The following KAZN variants were observed in gnomAD, a reference collection of about 807,000 sequenced individuals.
KAZN encodes kazrin.
In KAZN, 40 loss-of-function variants were observed where a neutral mutation model predicts 87.4. The ratio of observed to expected loss-of-function variants is 0.46; its 90% CI spans 0.36 to 0.60. KAZN has a LOEUF of 0.60. Among genes scored for constraint, KAZN ranks in the 20% least tolerant of loss-of-function variants. The probability of loss-of-function intolerance (pLI) is 0.00; values close to 1 mark genes in which losing one functional copy is unlikely to be tolerated. For missense variants in KAZN, 898 were observed against 1,073.9 expected, an observed-to-expected ratio of 0.84 and a Z score of 2.29; for synonymous variants, 466 against 458.3, an observed-to-expected ratio of 1.02 and a Z score of -0.22.
intron 1 of KAZN, among the ~76,000 whole-genome samples, chr1:14,146,557 A>G (rs1172346987): frequency 1.4e-5 from 2 of 144,336 alleles, no homozygotes; most frequent in Non-Finnish European, 3.0e-5. Flanking sequence ...AAAAAAAAAA[A>G]GAAAAGAAAA....
intron 1 of KAZN, among the ~76,000 whole-genome samples, chr1:14,074,111 A>G (rs1643351866): frequency 6.6e-6 from 1 of 152,186 alleles, no homozygotes; most frequent in African/African-American, 2.4e-5. Flanking sequence ...CACACACTAT[A>G]TGTCTAAATA....
chr1:14,538,228 C>A (rs1672612924), intron 2 of KAZN, among the ~76,000 whole-genome samples: 1 of 152,064 alleles, frequency 6.6e-6, no homozygotes. Context: ...TTTCTGTGTG[C>A]CTTGCTTCAG....
At chr1:15,040,806 C>CA (rs1472404845) in intron 3 of KAZN, among the ~76,000 whole-genome samples, 7 of 151,154 alleles carry the variant, frequency 4.6e-5, no homozygotes, top group Non-Finnish European at 8.9e-5. Flanking sequence ...AACAAACAAA[C>CA]AAAAAACAGA....
intron 1 of KAZN, among the ~76,000 whole-genome samples, chr1:13,920,185 G>T (rs1167011184): frequency 6.7e-6 from 1 of 149,330 alleles, no homozygotes; most frequent in Non-Finnish European, 1.5e-5. Context: ...GGGAGGCGGA[G>T]GTTGCAGTGA....
At chr1:14,620,678 G>A (rs890839853) in intron 1 of KAZN, among the ~76,000 whole-genome samples, 10 of 152,178 alleles carry the variant, frequency 6.6e-5, no homozygotes, top group Non-Finnish European at 1.2e-4. Context: ...TGGGCAAGAG[G>A]CCTTCTCAAG....
intron 1 of KAZN, among the ~76,000 whole-genome samples, chr1:14,010,784 GA>G (rs1424348851): frequency 1.3e-5 from 2 of 152,206 alleles, no homozygotes; most frequent in African/African-American, 4.8e-5. Context: ...TGACATAAGA[GA>G]AAGCCTGACA....
chr1:14,391,674 A>G (rs992669138), intron 2 of KAZN: 1 of 152,176 alleles, frequency 6.6e-6, no homozygotes, highest in Admixed American at 6.5e-5. Context: ...AACTCCCCCT[A>G]AATAAAGTTT....
intron 1 of KAZN, among the ~76,000 whole-genome samples, chr1:14,025,043 G>A (rs1462746208): frequency 6.6e-6 from 1 of 152,196 alleles, no homozygotes; most frequent in African/African-American, 2.4e-5. Flanking sequence ...AGGGTTAAAA[G>A]CATTTGGAAC....
chr1:15,093,272 G>T (rs78156947), intron 8 of KAZN, among the ~76,000 whole-genome samples: 12,151 of 152,018 alleles, frequency 0.08, 1,311 homozygotes, highest in African/African-American at 0.24. Context: ...GTGTGTGTTT[G>T]TAAGTGTGGC....
chr1:14,102,723 G>T (rs1367823702), intron 1 of KAZN, among the ~76,000 whole-genome samples: 1 of 152,012 alleles, frequency 6.6e-6, no homozygotes, highest in African/African-American at 2.4e-5. Flanking sequence ...GGTGCTAGGG[G>T]TGCCATAACC....
At chr1:14,931,274 TAAA>T (rs34539653) in intron 1 of KAZN, among the ~76,000 whole-genome samples, 1 of 144,394 alleles carries the variant, frequency 6.9e-6, no homozygotes, top group Non-Finnish European at 1.5e-5. Flanking sequence ...CCATCTCTAC[TAAA>T]AAAAAAAAAT....
intron 1 of KAZN, among the ~76,000 whole-genome samples, chr1:14,154,714 AT>A (rs1479063109): frequency 6.6e-6 from 1 of 152,152 alleles, no homozygotes; most frequent in African/African-American, 2.4e-5. Context: ...AGGGATGTTA[AT>A]TTTATCAAAT....
chr1:14,188,362 A>AT (rs1407147899), intron 2 of KAZN, among the ~76,000 whole-genome samples: 5 of 152,020 alleles, frequency 3.3e-5, no homozygotes, highest in African/African-American at 1.2e-4. Context: ...TATACAAATT[A>AT]TTTTTTCAGA....
Position 14,839,313 on chromosome 1 carries a change from C to T in KAZN, c.227-121371C>T, listed in dbSNP as rs568836794. Reference sequence around the variant, plus strand: ...CAAGTCCCCCTACCTTCCCTGGCCTCAATTTCCATGAGCTGGGTGTGAGGA... The same window carrying T: ...CAAGTCCCCCTACCTTCCCTGGCCTTAATTTCCATGAGCTGGGTGTGAGGA... On this transcript the variant is annotated intron_variant, in intron 1 of 14. Coordinates refer to ENST00000376030, the MANE Select transcript of KAZN (RefSeq NM_201628.3). Among the ~76,000 whole-genome samples, 3 of 152,252 alleles carry T rather than the reference C, an allele frequency of 2.0e-5. No homozygotes were observed. The South Asian group carries it at 6.2e-4, about 32-fold the overall frequency.
At chr1:14,836,146 G>A (rs1257670034) in intron 1 of KAZN, among the ~76,000 whole-genome samples, 3 of 152,256 alleles carry the variant, frequency 2.0e-5, no homozygotes, top group South Asian at 4.1e-4. Flanking sequence ...AGAGAAGAGG[G>A]GACAGAAGCT....
intron 2 of KAZN, among the ~76,000 whole-genome samples, chr1:14,235,870 C>T (rs1278950837): frequency 6.6e-6 from 1 of 152,122 alleles, no homozygotes; most frequent in Non-Finnish European, 1.5e-5. Flanking sequence ...TTTTGAGCAA[C>T]TCTCCACGGT....
intron 1 of KAZN, among the ~76,000 whole-genome samples, chr1:14,828,010 A>G (rs1057077529): frequency 2.0e-5 from 3 of 152,232 alleles, no homozygotes; most frequent in Non-Finnish European, 4.4e-5. Flanking sequence ...CAGAGGTCCA[A>G]TGCTTAAGCC....
chr1:15,092,922 C>CT (rs35897426), intron 8 of KAZN, among the ~76,000 whole-genome samples: 51,560 of 144,902 alleles, frequency 0.36, 10,656 homozygotes, highest in East Asian at 0.82. Context: ...GGTGGATGAA[C>CT]TTTTTTTTTT....
chr1:14,984,458 G>A (rs965360942), intron 2 of KAZN, among the ~76,000 whole-genome samples: 3 of 152,142 alleles, frequency 2.0e-5, no homozygotes, highest in Admixed American at 1.3e-4. Context: ...TGTGGGAAAA[G>A]GGCCTTCTCA....
Sources: gnomAD v4.1 joint callset for allele counts (sites outside exome capture counted in the v4.1 genomes callset) on GRCh38, gnomAD v4.1.1 for gene constraint, MANE v1.5 for transcripts, NCBI Gene and HGNC (gene_info 2026-07-23, HGNC 2026-07-21) for gene names.